Variants in FAM53A observed in about 807,000 individuals in gnomAD.
FAM53A encodes protein FAM53A.
Under a neutral mutation model 26.6 loss-of-function variants are expected in FAM53A, and 28 were observed. The observed-to-expected ratio is 1.05, with a 90% CI of 0.78 to 1.45. The LOEUF (loss-of-function observed/expected upper bound fraction) is 1.45. Ranked by LOEUF, FAM53A falls within the 40% of genes most tolerant of loss-of-function variation. The pLI is 0.00. For synonymous variants in FAM53A, 290 were observed against 253.1 expected, an observed-to-expected ratio of 1.15 and a Z score of -1.38; for missense variants, 650 against 575.8, an observed-to-expected ratio of 1.13 and a Z score of -1.32.
chr4:1,670,448 G>A (rs1714556758), intron 1 of FAM53A, among the ~76,000 whole-genome samples: 1 of 152,250 alleles, frequency 6.6e-6, no homozygotes, highest in Non-Finnish European at 1.5e-5. Context: ...CCAGGTCCAG[G>A]GGACTGGGCA....
In FAM53A at chr4:1,641,588, C is replaced by T. The variant is rs1711728652; in HGVS notation, c.902G>A (p.Ser301Asn). ...ATCTTCGTAATTGAGGGAGCAAAGGCTTTTTGAATTTTTTAAAGTCTGCAA... is the reference window on the plus strand; with the variant it reads ...ATCTTCGTAATTGAGGGAGCAAAGGTTTTTTGAATTTTTTAAAGTCTGCAA... ...KMTQTLKNSK[S>N]LCSLNYEDDD... is the part of the protein sequence containing the mutation. Residue 301 changes from serine (S) to asparagine (N), a missense_variant, in exon 5 of 5, where the codon AGC becomes AAC. Transcript: ENST00000308132. 2 of 1,614,102 alleles carry T rather than the reference C, an allele frequency of 1.2e-6. No individual in the cohort carries two copies. The highest frequency in any genetic ancestry group is 1.7e-6 in the Non-Finnish European group (2 of 1,179,992).
At chr4:1,592,363 G>A in the FAM53A span, among the ~76,000 whole-genome samples, 1 of 152,152 alleles carries the variant, frequency 6.6e-6, no homozygotes, top group Non-Finnish European at 1.5e-5. Context: ...GTCAGAGCGC[G>A]CAGGCCTGGA....
chr4:1,627,446 C>A (rs191448776), intron 1 of FAM53A, among the ~76,000 whole-genome samples: 1 of 152,204 alleles, frequency 6.6e-6, no homozygotes, highest in African/African-American at 2.4e-5. Flanking sequence ...GGGCTGCTTA[C>A]GCTGGAGACT....
In FAM53A at chr4:1,641,495, C is replaced by T; in HGVS notation, c.995G>A (p.Gly332Asp). ...CTGGCTGCAGCCAGGCATGGTGATG[C>T]CAGGGAGGCCCCGGGAGTCACATGG... ...SSPCDSRGLPGITMPGCSQRG... is the reference protein window; with the variant it reads ...SSPCDSRGLPDITMPGCSQRG... Residue 332 changes from glycine to aspartate, a missense_variant, in exon 5 of 5, where the codon GGC (glycine) becomes GAC (aspartate). Transcript: ENST00000308132. 6.2e-7 allele frequency: 1 copy of T among 1,614,182 alleles called. No homozygotes were observed. The highest frequency in any genetic ancestry group is 1.7e-4 in the Middle Eastern group (1 of 6,060).
chr4:1,591,927 G>GCT, the FAM53A span, among the ~76,000 whole-genome samples: 1 of 152,202 alleles, frequency 6.6e-6, no homozygotes, highest in Admixed American at 6.5e-5. Context: ...CCTCCTTCTT[G>GCT]GGTGCAGGGT....
intron 2 of FAM53A, among the ~76,000 whole-genome samples, chr4:1,660,502 T>C (rs1414815928): frequency 2.0e-5 from 3 of 150,650 alleles, no homozygotes; most frequent in East Asian, 2.0e-4. Flanking sequence ...GGTGGGAGGA[T>C]TGCTTGGGCT....
chr4:1,603,828 C>T, the FAM53A span, among the ~76,000 whole-genome samples: 2 of 152,300 alleles, frequency 1.3e-5, no homozygotes, highest in East Asian at 1.9e-4. Flanking sequence ...GGTGTGGAGC[C>T]TCAGAGGCTG....
chr4:1,669,573 T>C (rs1278248987), intron 1 of FAM53A, among the ~76,000 whole-genome samples: 1 of 152,222 alleles, frequency 6.6e-6, no homozygotes, highest in African/African-American at 2.4e-5. Flanking sequence ...AAGGTGGCCC[T>C]GCACCCAGCG....
At chr4:1,585,536 G>A in the FAM53A span, among the ~76,000 whole-genome samples, 3 of 151,762 alleles carry the variant, frequency 2.0e-5, no homozygotes, top group South Asian at 4.2e-4. Flanking sequence ...TGCCTGCCTC[G>A]GCCTCCCAAA....
At chr4:1,596,009 G>A in the FAM53A span, among the ~76,000 whole-genome samples, 3 of 152,224 alleles carry the variant, frequency 2.0e-5, no homozygotes, top group African/African-American at 7.2e-5. Flanking sequence ...TGAGACGTGG[G>A]GCCACAAGAG....
downstream of FAM53A, chr4:1,639,832 C>T (rs1211663717): frequency 6.6e-6 from 1 of 152,174 alleles, no homozygotes; most frequent in African/African-American, 2.4e-5. Flanking sequence ...ACTTCAATGA[C>T]CTTTCATGAA....
At position 1,640,590 on chromosome 4, in the gene FAM53A, CG is replaced by C; in HGVS notation, c.*702del. 2 of 355,014 alleles carry C rather than the reference CG, an allele frequency of 5.6e-6. No homozygotes were observed. Among genetic ancestry groups the C allele is most frequent in the Non-Finnish European group, 1.1e-5 (2 of 190,104 alleles). 22.0% of individuals were successfully genotyped at this position (355,014 alleles called of 1,614,324 possible). ...TTTAGGAAAAACTGAATCAAAATTACGCCTTAATGTTCCAAGCAACACGAAA... is the reference window on the plus strand; with the variant it reads ...TTTAGGAAAAACTGAATCAAAATTACCCTTAATGTTCCAAGCAACACGAAA... On this transcript the variant is annotated 3_prime_UTR_variant, in exon 5 of 5. Transcript: ENST00000308132.
chr4:1,666,417 C>T (rs76791726), intron 2 of FAM53A, among the ~76,000 whole-genome samples: 1 of 146,614 alleles, frequency 6.8e-6, no homozygotes, highest in East Asian at 2.0e-4. Context: ...CCTGTACCCC[C>T]CTGTATCTAA....
the FAM53A span, among the ~76,000 whole-genome samples, chr4:1,599,803 C>T: frequency 1.2e-4 from 18 of 152,218 alleles, no homozygotes; most frequent in Admixed American, 1.2e-3. The surrounding 1 kb of genome is among the most constrained non-coding windows in gnomAD (Gnocchi z 6.1). Flanking sequence ...CCTGCACAGG[C>T]ACTCCGAGTC....
chr4:1,586,629 A>T, the FAM53A span, among the ~76,000 whole-genome samples: 4 of 151,676 alleles, frequency 2.6e-5, no homozygotes, highest in South Asian at 2.1e-4. Context: ...TATATATATA[A>T]AAAATTAGCC....
chr4:1,655,460 G>C lies in FAM53A; in HGVS notation c.400C>G (p.Arg134Gly). Residue 134 changes from arginine to glycine, a missense_variant, in exon 4 of 5, where the codon CGG becomes GGG. By Grantham distance (125) the Arg-to-Gly change is moderately radical. Transcript: ENST00000308132. ...GAGCTGCCGGGGCGCCAGGGGGACC[G>C]GCAGCGCACAAGCTCCTCGGGTTCT... ...LSEPEELVRC[R>G]SPWRPGSSKV... is the part of the protein sequence containing the mutation. 6.4e-7 allele frequency: 1 copy of C among 1,553,656 alleles called. No individual in the cohort carries two copies. Among genetic ancestry groups the C allele is most frequent in the South Asian group, 1.2e-5 (1 of 85,012 alleles).
downstream of FAM53A, among the ~76,000 whole-genome samples, chr4:1,614,376 GGGAT>G (rs1455328588): frequency 1.2e-4 from 18 of 147,886 alleles, no homozygotes; most frequent in African/African-American, 3.4e-4. Flanking sequence ...AGACGTGAGG[GGGAT>G]GCAGAGACGT....
intron 4 of FAM53A, among the ~76,000 whole-genome samples, chr4:1,643,036 C>T (rs996741385): frequency 1.3e-5 from 2 of 152,242 alleles, no homozygotes; most frequent in Admixed American, 6.5e-5. Flanking sequence ...AAATCACCTT[C>T]GTCCAGAGCA....
intron 1 of FAM53A, among the ~76,000 whole-genome samples, chr4:1,623,733 G>A (rs541058079): frequency 1.7e-4 from 26 of 152,256 alleles, no homozygotes; most frequent in Admixed American, 7.8e-4. Context: ...CGGCCGCCGC[G>A]GATCGGACGT....
Sources: allele counts gnomAD v4.1 joint callset (sites outside exome capture counted in the v4.1 genomes callset), GRCh38; gene constraint gnomAD v4.1.1; non-coding constraint Gnocchi (gnomAD v3.1); transcripts MANE v1.5; gene names NCBI Gene and HGNC (gene_info 2026-07-23, HGNC 2026-07-21).